The following PCNX2 variants were observed in gnomAD, a reference collection of about 807,000 sequenced individuals.
The protein encoded by PCNX2 is pecanex-like protein 2.
Under a neutral mutation model 223.8 loss-of-function variants are expected in PCNX2, and 168 were observed. That is an observed-to-expected ratio of 0.75 (90% confidence interval 0.66 to 0.85). The LOEUF (loss-of-function observed/expected upper bound fraction) is 0.85, where lower values mean the gene tolerates loss of function less well. PCNX2 is among the 40% of genes least tolerant of loss of function. The pLI is 0.00. For synonymous variants in PCNX2, 1,006 were observed against 1,052.6 expected (o/e 0.96, Z 0.86); for missense variants, 2,507 against 2,675.5 (o/e 0.94, Z 1.39).
At chr1:233,026,962 T>C (rs1671099016) in intron 25 of PCNX2, among the ~76,000 whole-genome samples, 1 of 152,148 alleles carries the variant, frequency 6.6e-6, no homozygotes. Flanking sequence ...TAGGGGCTAT[T>C]TCAAATCACC....
At position 233,000,231 on chromosome 1, in the gene PCNX2, C is replaced by T; in HGVS notation, c.5328+74G>A. On this transcript the variant is annotated intron_variant, in intron 30 of 33. Transcript: ENST00000258229. The surrounding 1 kb of genome is among the most constrained non-coding windows in gnomAD (Gnocchi z 4.6). ...GACTCCTGTGTCAGTGCCCCCCTGC[C>T]CACCACCATTCTATTTCTTCTCAGA... The T allele has an allele frequency of 1.4e-6, 2 of 1,405,396 alleles. No homozygotes were observed. Among genetic ancestry groups the T allele is most frequent in the Non-Finnish European group, 2.0e-6 (2 of 991,770 alleles). 87.1% of individuals were successfully genotyped at this position (1,405,396 alleles called of 1,614,324 possible).
At chr1:233,190,212 G>GA (rs142627951) in intron 15 of PCNX2, among the ~76,000 whole-genome samples, 2,508 of 149,390 alleles carry the variant, frequency 0.017, 21 homozygotes, top group African/African-American at 0.019. Context: ...GAGATGAAAG[G>GA]AAAAAAAAAT....
rs906089476 is a variant in PCNX2, at chr1:232,991,305, A to T, written c.5792-4765T>A. Among the ~76,000 whole-genome samples, 2 of 152,024 alleles carry T rather than the reference A, an allele frequency of 1.3e-5. No homozygotes were observed. Among genetic ancestry groups the T allele is most frequent in the Non-Finnish European group, 2.9e-5 (2 of 67,990 alleles). ...AGGCAGCAGCTGAGGGGGCCCTGGAAAGGAGAATGCTTGACACTGTTGAGG... is the reference window on the plus strand; with the variant it reads ...AGGCAGCAGCTGAGGGGGCCCTGGATAGGAGAATGCTTGACACTGTTGAGG... On this transcript the variant is annotated intron_variant, in intron 32 of 33. Coordinates refer to ENST00000258229, the MANE Select transcript of PCNX2 (RefSeq NM_014801.4). This position sits in a 1 kb window ranked among gnomAD's most constrained non-coding sequence, Gnocchi z 4.3.
chr1:233,171,318 T>C lies in PCNX2; in HGVS notation c.3273+6484A>G, dbSNP rs185709066. ...CTTTTTTTTTTTAAATCTTTTTTTT[T>C]CTCCTCAAATTACTTTTAACACAAG... On this transcript the variant is annotated intron_variant, in intron 17 of 33. Transcript: ENST00000258229. Among the ~76,000 whole-genome samples the C allele has an allele frequency of 5.7e-3, 875 of 152,186 alleles. 10 individuals are homozygous for C. The highest frequency in any genetic ancestry group is 0.019 in the African/African-American group (800 of 41,530).
At chr1:233,325,011 C>A in the PCNX2 span, among the ~76,000 whole-genome samples, 1 of 152,262 alleles carries the variant, frequency 6.6e-6, no homozygotes, top group African/African-American at 2.4e-5. Context: ...TAGAGATGCA[C>A]GAGGAGATAA....
At chr1:233,192,606 C>T (rs1340842979) in intron 15 of PCNX2, among the ~76,000 whole-genome samples, 1 of 151,982 alleles carries the variant, frequency 6.6e-6, no homozygotes, top group Non-Finnish European at 1.5e-5. Flanking sequence ...TTCTAAAGCA[C>T]ATTTACATCA....
Position 233,031,783 on chromosome 1 carries a change from T to TTG in PCNX2, c.4352-6385_4352-6384insCA, listed in dbSNP as rs1671274571. On this transcript the variant is annotated intron_variant, in intron 25 of 33. Transcript: ENST00000258229. ...TTGCTTTGGCTCTTGGCTGAAAGCA[T>TTG]TCTTTTTTTTTTTTTTTTTTAAACA... 6 of 977,070 alleles carry TTG rather than the reference T, an allele frequency of 6.1e-6. No homozygotes were observed. In the African/African-American group the frequency reaches 1.1e-4, roughly 19 times the overall value. 60.5% of individuals were successfully genotyped at this position (977,070 alleles called of 1,614,324 possible).
chr1:233,172,624 A>C, intron 17 of PCNX2: 1 of 890,274 alleles, frequency 1.1e-6, no homozygotes, highest in Non-Finnish European at 1.3e-6. Context: ...TGTTCTCCAT[A>C]GTTCGAGGTC....
intron 23 of PCNX2, among the ~76,000 whole-genome samples, chr1:233,087,909 C>CCA (rs1055120045): frequency 6.6e-6 from 1 of 152,124 alleles, no homozygotes; most frequent in Non-Finnish European, 1.5e-5. Context: ...GGCAGACACC[C>CCA]CACACACACA....
At chr1:233,089,819 C>T (rs2102938057) in intron 23 of PCNX2, 2 of 1,209,018 alleles carry the variant, frequency 1.7e-6, no homozygotes, top group Non-Finnish European at 2.1e-6. Context: ...TTTTCCTTCA[C>T]AACTGGTGAA....
chr1:233,179,154 T>C lies in PCNX2; in HGVS notation c.3088A>G (p.Ile1030Val). The C allele has an allele frequency of 2.5e-6, 4 of 1,613,876 alleles. No homozygotes were observed. The highest frequency in any genetic ancestry group is 3.4e-6 in the Non-Finnish European group (4 of 1,179,812). ...AVKEPWSMQH[I>V]PALFSAFCGL... Reference sequence around the variant, plus strand: ...CAGAAGGCCGAAAACAGTGCCGGGATGTGTTGCATGCTCCACGGTTCCTAA... The same window carrying C: ...CAGAAGGCCGAAAACAGTGCCGGGACGTGTTGCATGCTCCACGGTTCCTAA... The change falls in exon 16 of 34, where the codon ATC becomes GTC. Residue 1030 changes from isoleucine to valine, a missense_variant. Ile to Val is a conservative substitution (Grantham distance 29). This residue lies in a region of PCNX2 where 1,372 missense variants were observed against 1,509.4 expected (regional missense o/e 0.91). Transcript: ENST00000258229.
At position 233,141,773 on chromosome 1, in the gene PCNX2, A is replaced by ATGTGTG. The variant is rs34145635; in HGVS notation, c.3518-1924_3518-1919dup. On this transcript the variant is annotated intron_variant, in intron 19 of 33. Coordinates refer to ENST00000258229, the MANE Select transcript of PCNX2 (RefSeq NM_014801.4). ...GGTATATATGTGTGTGTATATGTATATGTGTGTGTGTGTGTGTGTGTGTGT... is the reference window on the plus strand; with the variant it reads ...GGTATATATGTGTGTGTATATGTATATGTGTGTGTGTGTGTGTGTGTGTGTGTGTGT... Among the ~76,000 whole-genome samples the ATGTGTG allele has an allele frequency of 5.2e-3, 760 of 146,278 alleles. 4 individuals are homozygous for ATGTGTG. The highest frequency in any genetic ancestry group is 0.016 in the African/African-American group (637 of 38,850).
intron 32 of PCNX2, among the ~76,000 whole-genome samples, chr1:232,988,879 C>T (rs933807701): frequency 1.3e-5 from 2 of 152,186 alleles, no homozygotes; most frequent in Non-Finnish European, 2.9e-5. Flanking sequence ...GCGTAGTGAG[C>T]GCCTGGCAGC....
chr1:233,098,152 G>C (rs1416663375), intron 21 of PCNX2, among the ~76,000 whole-genome samples: 1 of 152,152 alleles, frequency 6.6e-6, no homozygotes, highest in Non-Finnish European at 1.5e-5. Flanking sequence ...CCTAAAAAAT[G>C]AATCATGAGT....
the PCNX2 span, among the ~76,000 whole-genome samples, chr1:233,303,927 TTGATC>T: frequency 1.3e-5 from 2 of 152,232 alleles, no homozygotes; most frequent in African/African-American, 4.8e-5. Context: ...CAGTTTTTAT[TTGATC>T]TGATAATCTT....
intron 25 of PCNX2, among the ~76,000 whole-genome samples, chr1:233,044,184 T>G (rs543408093): frequency 3.9e-5 from 6 of 152,080 alleles, no homozygotes; most frequent in Non-Finnish European, 7.4e-5. Flanking sequence ...TTTCATGTGT[T>G]TTTTGGCTGC....
chr1:233,282,194 T>C (rs1007581733), intron 1 of PCNX2, among the ~76,000 whole-genome samples: 1 of 152,180 alleles, frequency 6.6e-6, no homozygotes, highest in Non-Finnish European at 1.5e-5. Flanking sequence ...CTCCTTGCTC[T>C]TCCCTTGTCT....
At chr1:233,260,685 G>C (rs1313602224) in intron 4 of PCNX2, among the ~76,000 whole-genome samples, 3 of 151,862 alleles carry the variant, frequency 2.0e-5, no homozygotes, top group African/African-American at 7.3e-5. Flanking sequence ...TTTCAAAATT[G>C]AAATAGTGCA....
chr1:233,074,363 G>A (rs1020390325), intron 23 of PCNX2, among the ~76,000 whole-genome samples: 6 of 152,090 alleles, frequency 3.9e-5, no homozygotes, highest in Non-Finnish European at 5.9e-5. Context: ...GGGAGGCCGA[G>A]GCGGGCAGAT....
Sources: gnomAD v4.1 joint callset for allele counts (sites outside exome capture counted in the v4.1 genomes callset) on GRCh38, gnomAD v4.1.1 for gene constraint, gnomAD v4.1.1 regional missense constraint, Gnocchi (gnomAD v3.1) non-coding constraint, MANE v1.5 for transcripts, NCBI Gene and HGNC (gene_info 2026-07-23, HGNC 2026-07-21) for gene names.